The following ERG variants were observed in gnomAD, a reference collection of about 807,000 sequenced individuals.
ERG encodes the protein ETS transcription factor ERG.
ERG carries 9 observed loss-of-function variants against 55.3 expected under a neutral mutation model. The observed-to-expected ratio is 0.16, with a 90% CI of 0.10 to 0.28. The LOEUF (loss-of-function observed/expected upper bound fraction) is 0.28. Among genes scored for constraint, ERG ranks in the 10% least tolerant of loss-of-function variants. The pLI, the probability that ERG is intolerant of heterozygous loss-of-function variation, is 1.00. For synonymous variants in ERG, 223 were observed against 237.3 expected (o/e 0.94, Z 0.55); for missense variants, 434 against 631.6 (o/e 0.69, Z 3.35).
downstream of ERG, among the ~76,000 whole-genome samples, chr21:38,378,008 G>A (rs1252382072): frequency 6.6e-6 from 1 of 152,192 alleles, no homozygotes; most frequent in Admixed American, 6.5e-5. Context: ...AAAATAGGAT[G>A]TATTTTAATC....
intron 2 of ERG, among the ~76,000 whole-genome samples, chr21:38,559,474 T>C (rs1395686859): frequency 6.8e-6 from 1 of 147,792 alleles, no homozygotes. Context: ...CAAAGGTTGA[T>C]ATAATGGCCA....
chr21:38,509,293 ATCAT>A (rs1373161891), intron 2 of ERG, among the ~76,000 whole-genome samples: 1 of 152,202 alleles, frequency 6.6e-6, no homozygotes, highest in African/African-American at 2.4e-5. Flanking sequence ...CTTCTGTATG[ATCAT>A]TCATCCATTC....
At chr21:38,427,130 C>T (rs1308130492) in intron 2 of ERG, among the ~76,000 whole-genome samples, 1 of 152,216 alleles carries the variant, frequency 6.6e-6, no homozygotes, top group Non-Finnish European at 1.5e-5. Context: ...TGCCTGTAAT[C>T]TCAGCACTTT....
chr21:38,504,940 A>C (rs571052833), intron 2 of ERG, among the ~76,000 whole-genome samples: 2 of 152,370 alleles, frequency 1.3e-5, no homozygotes, highest in East Asian at 3.9e-4. Context: ...AAGAAAATAC[A>C]GATTACTTCT....
chr21:38,393,729 C>T (rs1390793382), intron 6 of ERG, among the ~76,000 whole-genome samples: 2 of 152,202 alleles, frequency 1.3e-5, no homozygotes, highest in African/African-American at 4.8e-5. Flanking sequence ...ACGTGAAAGT[C>T]AACACAGAAT....
chr21:38,412,999 C>T lies in ERG; in HGVS notation c.389-9290G>A, dbSNP rs187742368. Among the ~76,000 whole-genome samples, 50 of 152,290 alleles carry T rather than the reference C, an allele frequency of 3.3e-4. 1 individual carries two copies. In the East Asian group the frequency reaches 9.3e-3, roughly 28 times the overall value. ...GTATTAATTTCTCAGCCTTAGAGTT[C>T]CTGGCACACACTGTTGTGTGTATGG... On this transcript the variant is annotated intron_variant, in intron 3 of 9. Transcript: ENST00000288319.
At chr21:38,561,915 G>A (rs9979640) in intron 2 of ERG, among the ~76,000 whole-genome samples, 1 of 152,110 alleles carries the variant, frequency 6.6e-6, no homozygotes, top group Non-Finnish European at 1.5e-5. Context: ...TACATTCTCA[G>A]AAGTAACATG....
At chr21:38,587,546 C>T (rs781143650), upstream of ERG, among the ~76,000 whole-genome samples, 6 of 151,976 alleles carry the variant, frequency 3.9e-5, no homozygotes, top group South Asian at 2.1e-4. Flanking sequence ...TTAGTAGAGA[C>T]GGGGTTTCAT....
At chr21:38,637,192 C>T (rs1427364198) in intron 1 of ERG, among the ~76,000 whole-genome samples, 2 of 152,160 alleles carry the variant, frequency 1.3e-5, no homozygotes, top group Non-Finnish European at 1.5e-5. Flanking sequence ...ACTTCAGTCT[C>T]CTGAAATGTG....
intron 1 of ERG, among the ~76,000 whole-genome samples, chr21:38,472,985 C>G (rs891431896): frequency 6.6e-6 from 1 of 152,174 alleles, no homozygotes; most frequent in African/African-American, 2.4e-5. Flanking sequence ...CTCGGCTCCC[C>G]GCCTGCAGAC....
intron 1 of ERG, among the ~76,000 whole-genome samples, chr21:38,453,611 A>G (rs989816988): frequency 2.0e-5 from 3 of 152,192 alleles, no homozygotes; most frequent in Non-Finnish European, 1.5e-5. Flanking sequence ...GGCTGGGTGC[A>G]GTGGCTCACT....
chr21:38,372,655 C>T, the ERG span, among the ~76,000 whole-genome samples: 4 of 151,842 alleles, frequency 2.6e-5, no homozygotes, highest in African/African-American at 9.7e-5. Context: ...TACTTTAGGT[C>T]TGAGTAGGTA....
chr21:38,650,119 C>G (rs2060479920), intron 1 of ERG, among the ~76,000 whole-genome samples: 2 of 151,998 alleles, frequency 1.3e-5, no homozygotes, highest in African/African-American at 4.8e-5. Context: ...TAAGCACTGC[C>G]CACTGGGAAA....
At position 38,555,147 on chromosome 21, in the gene ERG, T is replaced by C. The variant is rs562664693; in HGVS notation, c.-41+20515A>G. On this transcript the variant is annotated intron_variant, in intron 2 of 8. Coordinates refer to the ERG transcript ENST00000398897. ...TTTGAGACCAGCCTGGCCAACATAG[T>C]GAAACCTCGTCTCTACTGAAAGTAC... 7.9e-5 allele frequency among the ~76,000 whole-genome samples: 12 copies of C among 152,074 alleles called. No individual in the cohort carries two copies. The South Asian group carries it at 2.3e-3, about 29-fold the overall frequency.
intron 2 of ERG, among the ~76,000 whole-genome samples, chr21:38,571,546 AT>A (rs1370535199): frequency 4.6e-5 from 7 of 151,856 alleles, no homozygotes; most frequent in Non-Finnish European, 1.0e-4. Flanking sequence ...TAAATAAAAA[AT>A]TTTTAAAAAA....
At chr21:38,617,169 G>A (rs2060264035) in intron 1 of ERG, among the ~76,000 whole-genome samples, 2 of 152,182 alleles carry the variant, frequency 1.3e-5, no homozygotes, top group Non-Finnish European at 2.9e-5. Flanking sequence ...AATTTTGACA[G>A]AGATGACATC....
intron 2 of ERG, among the ~76,000 whole-genome samples, chr21:38,424,915 C>T (rs1989748966): frequency 2.0e-5 from 3 of 152,284 alleles, no homozygotes; most frequent in African/African-American, 7.2e-5. Context: ...CAGCTACTGA[C>T]TACTGACCGT....
intron 1 of ERG, among the ~76,000 whole-genome samples, chr21:38,661,291 T>C (rs916266666): frequency 1.3e-5 from 2 of 152,004 alleles, no homozygotes; most frequent in Admixed American, 6.5e-5. Flanking sequence ...ACATTGAAAA[T>C]AGTAAAAGTG....
intron 2 of ERG, among the ~76,000 whole-genome samples, chr21:38,554,819 T>A (rs534053094): frequency 6.8e-6 from 1 of 148,028 alleles, no homozygotes; most frequent in East Asian, 2.0e-4. Context: ...CCCCCGAACC[T>A]AAAATAAAAG....
Sources: gnomAD v4.1 joint callset for allele counts (sites outside exome capture counted in the v4.1 genomes callset) on GRCh38, gnomAD v4.1.1 for gene constraint, MANE v1.5 for transcripts, NCBI Gene and HGNC (gene_info 2026-07-23, HGNC 2026-07-21) for gene names.